Variants in SEPTIN9 observed in about 807,000 individuals in gnomAD.
SEPTIN9 encodes septin-9.
Under a neutral mutation model 56.6 loss-of-function variants are expected in SEPTIN9, and 13 were observed. The observed-to-expected ratio is 0.23, with a 90% confidence interval of 0.15 to 0.37. The LOEUF (loss-of-function observed/expected upper bound fraction) is 0.37, where lower values mean the gene tolerates loss of function less well. Among genes scored for constraint, SEPTIN9 ranks in the 10% least tolerant of loss-of-function variants. SEPTIN9 has a pLI of 1.00. For synonymous variants in SEPTIN9, 332 were observed against 334.1 expected (o/e 0.99, Z 0.07); for missense variants, 650 against 823.1 (o/e 0.79, Z 2.57).
chr17:77,485,353 ATAG>A (rs1176212819), intron 4 of SEPTIN9, among the ~76,000 whole-genome samples: 2 of 149,900 alleles, frequency 1.3e-5, no homozygotes, highest in Non-Finnish European at 3.0e-5. Context: ...GTTGATGGTG[ATAG>A]TGGTGGGATG....
chr17:77,493,488 C>T (rs1026184563), intron 10 of SEPTIN9, among the ~76,000 whole-genome samples: 1 of 152,138 alleles, frequency 6.6e-6, no homozygotes, highest in African/African-American at 2.4e-5. Flanking sequence ...TTCCTGGGAC[C>T]CTCACACCTT....
intron 3 of SEPTIN9, chr17:77,446,995 C>A (rs1047867674): frequency 1.2e-5 from 2 of 167,140 alleles, no homozygotes; most frequent in African/African-American, 4.8e-5. Flanking sequence ...TCAGCACTGT[C>A]TAGCGCCAGA....
chr17:77,403,974 G>A (rs1198587253), intron 3 of SEPTIN9, among the ~76,000 whole-genome samples: 2 of 152,014 alleles, frequency 1.3e-5, no homozygotes, highest in African/African-American at 2.4e-5. Context: ...TCTATTTTCT[G>A]TCTTTATTAT....
At chr17:77,387,021 C>A (rs2035360527) in intron 2 of SEPTIN9, among the ~76,000 whole-genome samples, 1 of 152,206 alleles carries the variant, frequency 6.6e-6, no homozygotes, top group Non-Finnish European at 1.5e-5. Flanking sequence ...GTCCCAGGGT[C>A]AGTGTGGTTA....
Position 77,492,742 on chromosome 17 carries a change from T to C in SEPTIN9, c.1476+26T>C. The C allele has an allele frequency of 1.9e-6, 3 of 1,599,022 alleles. No individual in the cohort carries two copies. Among genetic ancestry groups the C allele is most frequent in the Non-Finnish European group, 2.6e-6 (3 of 1,166,342 alleles). ...GTGAGTGGATCCACTAGGATGTTGT[T>C]CCCAGGGGACCCCCAGTTCCTGCTG... On this transcript the variant is annotated intron_variant, in intron 9 of 11. Coordinates refer to ENST00000427177, the MANE Select transcript of SEPTIN9 (RefSeq NM_001113491.2). This position sits in a 1 kb window ranked among gnomAD's most constrained non-coding sequence, Gnocchi z 5.4.
intron 2 of SEPTIN9, among the ~76,000 whole-genome samples, chr17:77,384,116 A>C (rs2143988528): frequency 6.6e-6 from 1 of 152,008 alleles, no homozygotes; most frequent in East Asian, 1.9e-4. Context: ...TGTGACCCGG[A>C]GTGGGGTGAT....
At chr17:77,455,913 T>G (rs975976483) in intron 3 of SEPTIN9, among the ~76,000 whole-genome samples, 2 of 149,444 alleles carry the variant, frequency 1.3e-5, no homozygotes, top group African/African-American at 4.9e-5. Context: ...CCTTGGGGGG[T>G]TTTTCAGAAA....
intron 3 of SEPTIN9, among the ~76,000 whole-genome samples, chr17:77,410,833 C>G (rs1258292040): frequency 6.6e-6 from 1 of 152,134 alleles, no homozygotes; most frequent in Non-Finnish European, 1.5e-5. Context: ...GGTGTCGCCC[C>G]GTGTCTCTCT....
chr17:77,308,146 G>A (rs1049982187), intron 2 of SEPTIN9, among the ~76,000 whole-genome samples: 3 of 152,222 alleles, frequency 2.0e-5, no homozygotes, highest in Non-Finnish European at 4.4e-5. Flanking sequence ...CAGAGATGGC[G>A]TGGTCACCTG....
chr17:77,325,225 G>A (rs922232165), intron 2 of SEPTIN9, among the ~76,000 whole-genome samples: 2 of 152,328 alleles, frequency 1.3e-5, no homozygotes, highest in South Asian at 2.1e-4. Context: ...CAAATGCAAC[G>A]TCAGGAAGCT....
At chr17:77,301,761 A>T (rs2032064474) in intron 1 of SEPTIN9, among the ~76,000 whole-genome samples, 1 of 152,222 alleles carries the variant, frequency 6.6e-6, no homozygotes, top group Non-Finnish European at 1.5e-5. Flanking sequence ...TTGAAAATGG[A>T]TGTTTATGCA....
rs144179380 is a variant in SEPTIN9 at position 77,391,348 on chromosome 17, CAT to C, written c.77-10709_77-10708del. The stretch of plus-strand genomic sequence containing the variant: ...GTGCCACAACCTGGGGGCTTACAAA[CAT>C]AGCTTCCGGCGGCTCCTGGAGATTC... On this transcript the variant is annotated intron_variant, in intron 2 of 11. Coordinates refer to ENST00000427177, the MANE Select transcript of SEPTIN9 (RefSeq NM_001113491.2). Among the ~76,000 whole-genome samples the C allele has an allele frequency of 5.5e-3, 835 of 152,316 alleles. 8 individuals are homozygous for C. The highest frequency in any genetic ancestry group is 0.019 in the African/African-American group (805 of 41,560).
chr17:77,472,937 GA>G, intron 3 of SEPTIN9, among the ~76,000 whole-genome samples: 1 of 152,334 alleles, frequency 6.6e-6, no homozygotes, highest in South Asian at 2.1e-4. Flanking sequence ...TCCATCTTTA[GA>G]AGAGAACAGG....
chr17:77,488,727 C>T lies in SEPTIN9; in HGVS notation c.1125C>T (p.Cys375=). The T allele has an allele frequency of 6.2e-7, 1 of 1,613,684 alleles. No individual in the cohort carries two copies. The highest frequency in any genetic ancestry group is 8.5e-7 in the Non-Finnish European group (1 of 1,179,922). The part of the protein sequence containing the change: ...GFGDHINNEN[C]WQPIMKFIND... ...TGACTCGTCCCCATCCCCCACGCAG[C>T]TGGCAGCCCATCATGAAGTTCATCA... is the stretch of plus-strand genomic sequence containing the variant. Residue 375 remains cysteine (C), a splice_region_variant and synonymous_variant, in exon 7 of 12, where the codon TGC becomes TGT. Transcript: ENST00000427177.
intron 2 of SEPTIN9, among the ~76,000 whole-genome samples, chr17:77,390,458 T>TC (rs1177400166): frequency 7.0e-6 from 1 of 143,528 alleles, no homozygotes; most frequent in African/African-American, 2.6e-5. Context: ...TTCGCTTTTT[T>TC]TTTTTTTTTT....
At chr17:77,404,164 G>T (rs2035990085) in intron 3 of SEPTIN9, among the ~76,000 whole-genome samples, 1 of 152,168 alleles carries the variant, frequency 6.6e-6, no homozygotes, top group African/African-American at 2.4e-5. Context: ...CGATGCACTT[G>T]TGTTGTGTAG....
At position 77,327,291 on chromosome 17, in the gene SEPTIN9, G is replaced by C. The variant is rs1276894399; in HGVS notation, c.76+20094G>C. Among the ~76,000 whole-genome samples, 1 of 152,076 alleles carries C rather than the reference G, an allele frequency of 6.6e-6. No homozygotes were observed. The highest frequency in any genetic ancestry group is 1.5e-5 in the Non-Finnish European group (1 of 68,012). ...TCCCACCAGGGGCTGAGGCCTCCTT[G>C]CTCACTCCAGCTTCCTGGCCCGTCT... On this transcript the variant is annotated intron_variant, in intron 2 of 11. Transcript: ENST00000427177. This position sits in a 1 kb window ranked among gnomAD's most constrained non-coding sequence, Gnocchi z 5.0.
intron 3 of SEPTIN9, among the ~76,000 whole-genome samples, chr17:77,413,087 C>CGTGT (rs3047410): frequency 0.018 from 2,633 of 144,000 alleles, 70 homozygotes; most frequent in East Asian, 0.12. Flanking sequence ...GCGGGTGGGG[C>CGTGT]GTGTGTGTGT....
At chr17:77,452,039 C>T (rs1228910566) in intron 3 of SEPTIN9, among the ~76,000 whole-genome samples, 1 of 152,208 alleles carries the variant, frequency 6.6e-6, no homozygotes, top group Non-Finnish European at 1.5e-5. Flanking sequence ...CCCGCGGCGC[C>T]GGCACTGGGA....
Sources: gnomAD v4.1 joint callset for allele counts (sites outside exome capture counted in the v4.1 genomes callset) on GRCh38, gnomAD v4.1.1 for gene constraint, Gnocchi (gnomAD v3.1) non-coding constraint, MANE v1.5 for transcripts, NCBI Gene and HGNC (gene_info 2026-07-23, HGNC 2026-07-21) for gene names.